Variants in SMIM35 observed in about 807,000 individuals in gnomAD.
SMIM35 encodes small integral membrane protein 35.
At chr11:118,048,373 C>A (rs1316100540) in intron 1 of SMIM35, among the ~76,000 whole-genome samples, 4 of 152,048 alleles carry the variant, frequency 2.6e-5, no homozygotes, top group Non-Finnish European at 5.9e-5. Flanking sequence ...ATTAGCTGGA[C>A]CTGCTGGCGT....
intron 1 of SMIM35, among the ~76,000 whole-genome samples, chr11:118,046,541 T>C (rs1447727929): frequency 6.6e-6 from 1 of 152,192 alleles, no homozygotes; most frequent in Non-Finnish European, 1.5e-5. Context: ...GACGCCTGGA[T>C]ATCAAGAACC....
At chr11:118,080,475 T>C (rs1299268512) in intron 1 of SMIM35, among the ~76,000 whole-genome samples, 1 of 152,174 alleles carries the variant, frequency 6.6e-6, no homozygotes, top group Non-Finnish European at 1.5e-5. Flanking sequence ...GCTTCCAGCC[T>C]GACCCTGGGG....
chr11:118,031,534 G>A (rs919936521), intron 1 of SMIM35, among the ~76,000 whole-genome samples: 5 of 152,112 alleles, frequency 3.3e-5, no homozygotes, highest in African/African-American at 7.2e-5. Context: ...AAGGGAAGGC[G>A]AGAGTATCAA....
intron 1 of SMIM35, chr11:118,077,363 G>A: frequency 6.5e-7 from 1 of 1,535,110 alleles, no homozygotes; most frequent in Non-Finnish European, 8.8e-7. Flanking sequence ...CCCATGTAAG[G>A]CCCTTCAAGC....
chr11:118,063,143 G>T (rs1400038310), intron 1 of SMIM35, among the ~76,000 whole-genome samples: 1 of 152,142 alleles, frequency 6.6e-6, no homozygotes, highest in Non-Finnish European at 1.5e-5. Flanking sequence ...ATAAAAATAG[G>T]CAACCAGCAG....
chr11:118,067,860 CATATATATATATATATATATATAT>C lies in SMIM35; in HGVS notation c.7+18867_7+18890del, dbSNP rs57497227. Among the ~76,000 whole-genome samples the C allele has an allele frequency of 8.5e-3, 690 of 80,968 alleles. 20 individuals are homozygous for C. The highest frequency in any genetic ancestry group is 0.036 in the Middle Eastern group (5 of 140). The allele number at this position is 80,968 out of a possible 152,430, so 53.1% of individuals were successfully genotyped here. On this transcript the variant is annotated intron_variant, in intron 1 of 4. Transcript: ENST00000689828. ...AAAACAACCACAAAACAACAACAAACATATATATATATATATATATATATATATATATATATATATATATATGAA... is the reference window on the plus strand; with the variant it reads ...AAAACAACCACAAAACAACAACAAACATATATATATATATATATATATGAA...
intron 1 of SMIM35, among the ~76,000 whole-genome samples, chr11:118,049,004 G>A (rs1421179065): frequency 1.4e-5 from 2 of 140,718 alleles, no homozygotes; most frequent in Middle Eastern, 3.4e-3. Context: ...TAATCATAAT[G>A]TACTACTTTT....
intron 4 of SMIM35, among the ~76,000 whole-genome samples, chr11:118,012,599 T>G (rs1312762453): frequency 3.3e-5 from 5 of 152,220 alleles, no homozygotes; most frequent in Non-Finnish European, 2.9e-5. Flanking sequence ...GTTTCTAGAC[T>G]GTTCTCAGCA....
intron 4 of SMIM35, among the ~76,000 whole-genome samples, chr11:118,011,222 C>T (rs11216675): frequency 0.011 from 1,721 of 152,316 alleles, 13 homozygotes; most frequent in Non-Finnish European, 0.018. Flanking sequence ...CAGCTGTCCC[C>T]GTCTCCTCAC....
intron 1 of SMIM35, among the ~76,000 whole-genome samples, chr11:118,053,392 T>G (rs999966077): frequency 3.3e-5 from 5 of 151,518 alleles, no homozygotes; most frequent in African/African-American, 4.9e-5. Context: ...ACAGGGCAAA[T>G]GTTCCTTGAA....
intron 1 of SMIM35, among the ~76,000 whole-genome samples, chr11:118,081,654 C>T (rs1945149824): frequency 6.6e-6 from 1 of 152,204 alleles, no homozygotes; most frequent in South Asian, 2.1e-4. Flanking sequence ...AAATGTCCTG[C>T]ACATCAGTCT....
chr11:118,027,016 CTT>C (rs60864416), intron 1 of SMIM35, among the ~76,000 whole-genome samples: 2 of 93,256 alleles, frequency 2.1e-5, no homozygotes, highest in African/African-American at 4.2e-5. Flanking sequence ...ACCACCACCA[CTT>C]TTTTTTTTTT....
intron 1 of SMIM35, among the ~76,000 whole-genome samples, chr11:118,075,663 C>A (rs752254968): frequency 1.3e-5 from 2 of 152,160 alleles, no homozygotes; most frequent in Non-Finnish European, 2.9e-5. Flanking sequence ...GGCTGATACA[C>A]AGAAGCACGT....
chr11:118,048,946 C>CAAAAAAAAAAAAAAAAAAAAA lies in SMIM35; in HGVS notation c.8-33138_8-33137insTTTTTTTTTTTTTTTTTTTTT, dbSNP rs57261529. Among the ~76,000 whole-genome samples, 214 of 60,364 alleles carry CAAAAAAAAAAAAAAAAAAAAA rather than the reference C, an allele frequency of 3.5e-3. 20 individuals are homozygous for CAAAAAAAAAAAAAAAAAAAAA. Among genetic ancestry groups the CAAAAAAAAAAAAAAAAAAAAA allele is most frequent in the Non-Finnish European group, 4.0e-3 (132 of 32,758 alleles). The allele number at this position is 60,364 out of a possible 152,430, so 39.6% of individuals were successfully genotyped here. A position where few individuals can be genotyped will look rare whatever the true frequency, so the allele number is the denominator to read the frequency against. On this transcript the variant is annotated intron_variant, in intron 1 of 4. Coordinates refer to ENST00000689828, the MANE Select transcript of SMIM35 (RefSeq NM_001394165.1). ...GCCTATCGCCTAGGCTGAAGAGCTG[C>CAAAAAAAAAAAAAAAAAAAAA]AAAAAAAAAAAAAAAAAAGCAAGTG...
chr11:118,048,650 GA>G (rs1464275008), intron 1 of SMIM35, among the ~76,000 whole-genome samples: 3 of 151,358 alleles, frequency 2.0e-5, no homozygotes, highest in Non-Finnish European at 4.4e-5. Context: ...GAGAAAGAAA[GA>G]AAGAAATTAA....
chr11:118,039,174 G>C (rs946783067), intron 1 of SMIM35, among the ~76,000 whole-genome samples: 1 of 152,144 alleles, frequency 6.6e-6, no homozygotes. Flanking sequence ...AAAATGAAGG[G>C]AGAAAGACCA....
intron 1 of SMIM35, among the ~76,000 whole-genome samples, chr11:118,033,088 C>T (rs1004688901): frequency 2.0e-5 from 3 of 152,292 alleles, no homozygotes; most frequent in African/African-American, 7.2e-5. Flanking sequence ...GAATAAGGAT[C>T]AGCTCTCATC....
chr11:118,055,676 A>G (rs1042956487), intron 1 of SMIM35, among the ~76,000 whole-genome samples: 2 of 152,142 alleles, frequency 1.3e-5, no homozygotes, highest in African/African-American at 4.8e-5. Flanking sequence ...ACACCAGCTC[A>G]TGTCTGCCTA....
At chr11:118,025,890 T>C (rs1455489058) in intron 1 of SMIM35, 1 of 382,812 alleles carries the variant, frequency 2.6e-6, no homozygotes, top group East Asian at 8.0e-5. Context: ...AGAATGGTAT[T>C]TTCTAGCTTT....
Sources: gnomAD v4.1 joint callset for allele counts (sites outside exome capture counted in the v4.1 genomes callset) on GRCh38, gnomAD v4.1.1 for gene constraint, MANE v1.5 for transcripts, NCBI Gene and HGNC (gene_info 2026-07-23, HGNC 2026-07-21) for gene names.